PDGFRB: variants seen among roughly 807,000 people sequenced by gnomAD.
The protein encoded by PDGFRB is platelet derived growth factor receptor beta, also known as platelet-derived growth factor receptor beta.
A neutral mutation model predicts 120.2 loss-of-function variants in PDGFRB; 42 were observed. The observed-to-expected ratio is 0.35, with a 90% CI of 0.27 to 0.45. The LOEUF (loss-of-function observed/expected upper bound fraction) is 0.45, where lower values mean the gene tolerates loss of function less well. Ranked by LOEUF, PDGFRB falls within the 20% of genes least tolerant of loss-of-function variation. The pLI is 1.00. For synonymous variants in PDGFRB, 586 were observed against 606.8 expected, an observed-to-expected ratio of 0.97 and a Z score of 0.50; for missense variants, 1,149 against 1,476.3, an observed-to-expected ratio of 0.78 and a Z score of 3.63.
rs1389132504 is a variant in PDGFRB at position 150,132,812 on chromosome 5, G to T, written c.1065C>A (p.Arg355=). 3.1e-6 allele frequency: 5 copies of T among 1,612,646 alleles called. No individual in the cohort carries two copies. In the African/African-American group the frequency reaches 6.7e-5, roughly 22 times the overall value. Residue 355 remains arginine (R), a synonymous_variant, in exon 7 of 23, where the codon CGC becomes CGA. Coordinates refer to ENST00000261799, the MANE Select transcript of PDGFRB (RefSeq NM_002609.4). The surrounding 1 kb of genome is among the most constrained non-coding windows in gnomAD (Gnocchi z 5.0). ...PPTVLWFKDN[R]TLGDSSAGEI... is the part of the protein sequence containing the mutation. ...CGCCAGCGCTGGAGTCGCCCAGGGT[G>T]CGGTTGTCTTTGAACCACAGGACAG... is the stretch of plus-strand genomic sequence containing the variant.
intron 12 of PDGFRB, among the ~76,000 whole-genome samples, 163 bp downstream of exon 12, chr5:150,125,282 G>A (rs1760262238): frequency 6.6e-6 from 1 of 152,128 alleles, no homozygotes; most frequent in African/African-American, 2.4e-5. Context: ...CTGGGGGATG[G>A]TCTTGCTCTC....
chr5:150,125,867 C>T (rs1252970375), intron 11 of PDGFRB, among the ~76,000 whole-genome samples: 1 of 152,228 alleles, frequency 6.6e-6, no homozygotes. Flanking sequence ...CTCTCCCAGC[C>T]TTCGCTGCTC....
Position 150,129,838 on chromosome 5 carries a change from C to T in PDGFRB, c.1498G>A (p.Val500Met), listed in dbSNP as rs776914915. Residue 500 changes from valine (V) to methionine (M), a missense_variant, in exon 10 of 23, where the codon GTG (valine) becomes ATG (methionine). Transcript: ENST00000261799. ...CAGCGCACCGACAGTGGCCGATCCACGTGCTGCAGACGCAGTGTGCTCACC... is the reference window on the plus strand; with the variant it reads ...CAGCGCACCGACAGTGGCCGATCCATGTGCTGCAGACGCAGTGTGCTCACC... Reference protein sequence around the residue: ...EVVSTLRLQHVDRPLSVRCTL... With the variant: ...EVVSTLRLQHMDRPLSVRCTL... The T allele has an allele frequency of 1.2e-6, 2 of 1,614,150 alleles. No individual in the cohort carries two copies. The highest frequency in any genetic ancestry group is 1.1e-5 in the South Asian group (1 of 91,088).
chr5:150,134,772 G>T lies in PDGFRB; in HGVS notation c.609C>A (p.Ala203=), dbSNP rs1368480873. ...TIGDREVDSD[A]YYVYRLQVSS... is the part of the protein sequence containing the mutation. The stretch of plus-strand genomic sequence containing the variant: ...CACCCTGGAGTCTGTAGACATAGTA[G>T]GCATCAGAATCCACCTCCCTGTCCC... The change falls in exon 4 of 23, where the codon GCC becomes GCA. Residue 203 remains alanine, a synonymous_variant. Coordinates refer to ENST00000261799, the MANE Select transcript of PDGFRB (RefSeq NM_002609.4). 6.2e-7 allele frequency: 1 copy of T among 1,613,618 alleles called. No homozygotes were observed. The highest frequency in any genetic ancestry group is 8.5e-7 in the Non-Finnish European group (1 of 1,179,708).
intron 3 of PDGFRB, 136 bp downstream of exon 3, chr5:150,135,419 C>T (rs1167661350): frequency 1.5e-6 from 1 of 688,854 alleles, no homozygotes; most frequent in East Asian, 2.5e-5. Context: ...CCGACTGAGC[C>T]AGGCTGGTTC....
chr5:150,119,933 C>T, intron 19 of PDGFRB, 79 bp downstream of exon 19: 1 of 800,622 alleles, frequency 1.2e-6, no homozygotes, highest in South Asian at 1.4e-5. Flanking sequence ...GTCCCATAGC[C>T]CCACCAGGCC....
At chr5:150,148,305 C>T (rs1037669889) in intron 1 of PDGFRB, among the ~76,000 whole-genome samples, 1 of 152,238 alleles carries the variant, frequency 6.6e-6, no homozygotes, top group Admixed American at 6.5e-5. Context: ...TGGAATTAGG[C>T]CTACAGTAGG....
At chr5:150,129,283 T>C (rs974711269) in intron 10 of PDGFRB, among the ~76,000 whole-genome samples, 4 of 152,226 alleles carry the variant, frequency 2.6e-5, no homozygotes, top group African/African-American at 9.6e-5. Flanking sequence ...GTCTGGGAAT[T>C]AGGCATGCTC....
rs982478155 is a variant in PDGFRB, at chr5:150,132,975, G to A, written c.935-33C>T. 4.7e-6 allele frequency: 7 copies of A among 1,482,320 alleles called. No individual in the cohort carries two copies. The highest frequency in any genetic ancestry group is 2.4e-4 in the Middle Eastern group (1 of 4,184). 91.8% of individuals were successfully genotyped at this position (1,482,320 alleles called of 1,614,324 possible). A position where few individuals can be genotyped will look rare whatever the true frequency, so the allele number is the denominator to read the frequency against. On this transcript the variant is annotated intron_variant, in intron 6 of 22. Transcript: ENST00000261799. This position sits in a 1 kb window ranked among gnomAD's most constrained non-coding sequence, Gnocchi z 5.0. ...GGGTGACCGTCAGGGGCGGGGCCCT[G>A]GGGGCAGGGCACCAACTGAATCCCA...
In PDGFRB at chr5:150,132,741, G is replaced by A. The variant is rs1273416125; in HGVS notation, c.1127+9C>T. 7 of 1,608,168 alleles carry A rather than the reference G, an allele frequency of 4.4e-6. No homozygotes were observed. The highest frequency in any genetic ancestry group is 4.3e-6 in the Non-Finnish European group (5 of 1,176,228). ...CTTCAAGAATGGGATGGGAGAGCGA[G>A]CTGCTCACCGGGTCTCCGACACGTT... On this transcript the variant is annotated intron_variant, in intron 7 of 22. Coordinates refer to ENST00000261799, the MANE Select transcript of PDGFRB (RefSeq NM_002609.4). The surrounding 1 kb of genome is among the most constrained non-coding windows in gnomAD (Gnocchi z 5.0).
intron 10 of PDGFRB, among the ~76,000 whole-genome samples, chr5:150,128,067 C>T (rs760370449): frequency 2.0e-5 from 3 of 152,130 alleles, no homozygotes; most frequent in African/African-American, 4.8e-5. Flanking sequence ...TCCCTCCTCC[C>T]GCTCATCACA....
At chr5:150,145,088 C>T (rs190083252) in intron 1 of PDGFRB, among the ~76,000 whole-genome samples, 3 of 152,362 alleles carry the variant, frequency 2.0e-5, no homozygotes, top group Non-Finnish European at 4.4e-5. Context: ...GCCTCTGCCA[C>T]CCCTGAAAGC....
At chr5:150,143,354 G>A (rs1760832852) in intron 1 of PDGFRB, among the ~76,000 whole-genome samples, 1 of 152,190 alleles carries the variant, frequency 6.6e-6, no homozygotes, top group Admixed American at 6.5e-5. Context: ...AAAAGGGTGG[G>A]CAAGAGTGTC....
chr5:150,122,990 C>CGGT, intron 15 of PDGFRB, 52 bp downstream of exon 15: 1 of 1,507,810 alleles, frequency 6.6e-7, no homozygotes, highest in South Asian at 1.1e-5. Flanking sequence ...GGGGAAGGAG[C>CGGT]GGTGCTCCTC....
chr5:150,144,374 C>T (rs975969667), intron 1 of PDGFRB, among the ~76,000 whole-genome samples: 2 of 152,190 alleles, frequency 1.3e-5, no homozygotes, highest in African/African-American at 4.8e-5. Flanking sequence ...GGGAGGAAGG[C>T]GGCTGCCCCT....
chr5:150,141,571 T>G (rs1204277591), intron 1 of PDGFRB, among the ~76,000 whole-genome samples: 3 of 152,166 alleles, frequency 2.0e-5, no homozygotes, highest in Non-Finnish European at 4.4e-5. Flanking sequence ...GCTCCACCGC[T>G]TCTCTGACCA....
chr5:150,152,051 T>G (rs1761092841), intron 1 of PDGFRB, among the ~76,000 whole-genome samples: 1 of 151,834 alleles, frequency 6.6e-6, no homozygotes, highest in African/African-American at 2.4e-5. Flanking sequence ...GGGATACAGG[T>G]GCGCACCACC....
intron 22 of PDGFRB, among the ~76,000 whole-genome samples, 185 bp downstream of exon 22, chr5:150,117,433 G>T (rs556986785): frequency 6.6e-6 from 1 of 152,146 alleles, no homozygotes; most frequent in African/African-American, 2.4e-5. Flanking sequence ...TCCACCTCAG[G>T]GCATCAAAGT....
chr5:150,139,108 G>A (rs1419853837), intron 1 of PDGFRB, among the ~76,000 whole-genome samples: 1 of 152,206 alleles, frequency 6.6e-6, no homozygotes, highest in African/African-American at 2.4e-5. Context: ...CTGGGGCTGG[G>A]GGTGGCTTAG....
Sources: gnomAD v4.1 joint callset for allele counts (sites outside exome capture counted in the v4.1 genomes callset) on GRCh38, gnomAD v4.1.1 for gene constraint, Gnocchi (gnomAD v3.1) non-coding constraint, MANE v1.5 for transcripts, NCBI Gene and HGNC (gene_info 2026-07-23, HGNC 2026-07-21) for gene names.